Variants in MLLT11 observed in about 807,000 individuals in gnomAD.
MLLT11 encodes MLLT11 transcription factor 7 cofactor.
In MLLT11, 1 loss-of-function variant was observed where a neutral mutation model predicts 5.3. The observed-to-expected ratio is 0.19, with a 90% CI of 0.07 to 0.89. The LOEUF is 0.89. Among genes scored for constraint, MLLT11 ranks in the 40% least tolerant of loss-of-function variants. MLLT11 has a pLI of 0.67. For synonymous variants in MLLT11, 38 were observed against 41.7 expected, an observed-to-expected ratio of 0.91 and a Z score of 0.34; for missense variants, 87 against 107.3, an observed-to-expected ratio of 0.81 and a Z score of 0.83.
rs1484271470 is a variant in MLLT11 at position 151,069,171 on chromosome 1, G to T, written c.*1674G>T. On this transcript the variant is annotated 3_prime_UTR_variant, in exon 2 of 2. Coordinates refer to ENST00000368921, the MANE Select transcript of MLLT11 (RefSeq NM_006818.4). The stretch of plus-strand genomic sequence containing the variant: ...GTTTTTGTGTGCCTGCTATAGGAAA[G>T]CACTGAGCCAAACAGAATGTAAACG... 6.6e-6 allele frequency among the ~76,000 whole-genome samples: 1 copy of T among 152,106 alleles called. No homozygotes were observed. The highest frequency in any genetic ancestry group is 2.1e-4 in the South Asian group (1 of 4,824).
chr1:151,063,086 T>G (rs1216375390), intron 1 of MLLT11, among the ~76,000 whole-genome samples: 1 of 152,152 alleles, frequency 6.6e-6, no homozygotes, highest in African/African-American at 2.4e-5. Context: ...TTTTGGAACT[T>G]AAACTAAGAA....
rs1486296720 is a variant in MLLT11, at chr1:151,067,098, T to C, written c.-6-121T>C. The C allele has an allele frequency of 2.4e-5, 19 of 807,014 alleles. No individual in the cohort carries two copies. The Middle Eastern group carries it at 1.1e-3, about 48-fold the overall frequency. 50.0% of individuals were successfully genotyped at this position (807,014 alleles called of 1,614,324 possible). Reference sequence around the variant, plus strand: ...AGGATATACAATTTTCTTTCTTTAATAGAAAAAAAAAAAAAAAAGAAATTC... The same window carrying C: ...AGGATATACAATTTTCTTTCTTTAACAGAAAAAAAAAAAAAAAAGAAATTC... On this transcript the variant is annotated intron_variant, in intron 1 of 1. Coordinates refer to ENST00000368921, the MANE Select transcript of MLLT11 (RefSeq NM_006818.4).
At position 151,061,688 on chromosome 1, in the gene MLLT11, C is replaced by T. The variant is rs117259059; in HGVS notation, c.-7+1135C>T. 4.7e-3 allele frequency among the ~76,000 whole-genome samples: 709 copies of T among 152,052 alleles called. 19 individuals are homozygous for T. In the East Asian group the frequency reaches 0.081, roughly 17 times the overall value. ...AAGCTAGCCAAAAAAGGATCTTTTG[C>T]GAAATTTGGAGTATTTGATAATTAA... On this transcript the variant is annotated intron_variant, in intron 1 of 1. Coordinates refer to ENST00000368921, the MANE Select transcript of MLLT11 (RefSeq NM_006818.4).
Position 151,067,402 on chromosome 1 carries a change from A to G in MLLT11, c.178A>G (p.Asn60Asp), listed in dbSNP as rs2102981410. ...GQATAADQEK[N>D]PEGDGLLEYS... ...AGCAACTGCAGCAGACCAGGAGAAA[A>G]ACCCTGAAGGTGATGGCCTCCTTGA... Residue 60 changes from asparagine to aspartate, a missense_variant, in exon 2 of 2, where the codon AAC becomes GAC. By Grantham distance (23) the Asn-to-Asp change is conservative. Transcript: ENST00000368921. 1 of 1,614,140 alleles carries G rather than the reference A, an allele frequency of 6.2e-7. No homozygotes were observed. The highest frequency in any genetic ancestry group is 1.3e-5 in the African/African-American group (1 of 75,030).
Position 151,063,449 on chromosome 1 carries a change from G to A in MLLT11, c.-7+2896G>A, listed in dbSNP as rs191692255. Among the ~76,000 whole-genome samples the A allele has an allele frequency of 3.3e-3, 498 of 151,892 alleles. 2 individuals are homozygous for A. Among genetic ancestry groups the A allele is most frequent in the South Asian group, 8.1e-3 (39 of 4,802 alleles). On this transcript the variant is annotated intron_variant, in intron 1 of 1. Transcript: ENST00000368921. ...TATTTATTATTATTATTATTGAGAC[G>A]GAGTCTTGCTCTTTCGCCCAGGCTG...
Position 151,068,133 on chromosome 1 carries a change from A to G in MLLT11, c.*636A>G. 4.2e-6 allele frequency: 1 copy of G among 240,118 alleles called. No homozygotes were observed. The allele number at this position is 240,118 out of a possible 1,614,324, so 14.9% of individuals were successfully genotyped here. On this transcript the variant is annotated 3_prime_UTR_variant, in exon 2 of 2. Transcript: ENST00000368921. ...TAATTGAATCATTTTAGAAGTAGCT[A>G]ATTTCTTTTCTCAAAAGAGTGTCCC... is the stretch of plus-strand genomic sequence containing the variant.
Position 151,069,371 on chromosome 1 carries a change from G to C in MLLT11, c.*1874G>C, listed in dbSNP as rs1248188360. ...AAATCCTCCCTCTAGGCCATGAAAA[G>C]CCCACATCTAAAGACGGTCCCAGTC... On this transcript the variant is annotated 3_prime_UTR_variant, in exon 2 of 2. Coordinates refer to ENST00000368921, the MANE Select transcript of MLLT11 (RefSeq NM_006818.4). 6.6e-6 allele frequency among the ~76,000 whole-genome samples: 1 copy of C among 152,130 alleles called. No homozygotes were observed. Among genetic ancestry groups the C allele is most frequent in the Admixed American group, 6.5e-5 (1 of 15,272 alleles).
intron 1 of MLLT11, among the ~76,000 whole-genome samples, chr1:151,061,076 G>A (rs762464720): frequency 2.0e-5 from 3 of 152,252 alleles, no homozygotes; most frequent in South Asian, 4.1e-4. Context: ...AGGCAGCCTA[G>A]GGTAGGAAAG....
intron 1 of MLLT11, 81 bp from the exon 2 acceptor site, chr1:151,067,138 G>T: frequency 8.8e-6 from 10 of 1,132,938 alleles, no homozygotes; most frequent in Non-Finnish European, 1.3e-5. Context: ...TTACCAGTAT[G>T]TGGAGTATCT....
In MLLT11 at chr1:151,067,598, T is replaced by C. The variant is rs1203214345; in HGVS notation, c.*101T>C. 1.5e-6 allele frequency: 2 copies of C among 1,312,770 alleles called. No individual in the cohort carries two copies. Among genetic ancestry groups the C allele is most frequent in the African/African-American group, 2.9e-5 (2 of 68,002 alleles). 81.3% of individuals were successfully genotyped at this position (1,312,770 alleles called of 1,614,324 possible). A position where few individuals can be genotyped will look rare whatever the true frequency, so the allele number is the denominator to read the frequency against. On this transcript the variant is annotated 3_prime_UTR_variant, in exon 2 of 2. Transcript: ENST00000368921. ...CATTTTAATCTTGTTCTCTCCCTACTGTGTTGGTGGTGCTGATGAATCTGC... is the reference window on the plus strand; with the variant it reads ...CATTTTAATCTTGTTCTCTCCCTACCGTGTTGGTGGTGCTGATGAATCTGC...
intron 1 of MLLT11, among the ~76,000 whole-genome samples, chr1:151,064,052 G>C (rs867404216): frequency 2.6e-5 from 4 of 151,308 alleles, no homozygotes; most frequent in Non-Finnish European, 4.4e-5. Flanking sequence ...ATGGAGTTTC[G>C]CTCTTGTTGC....
In MLLT11 at chr1:151,069,045, CT is replaced by C. The variant is rs587753483; in HGVS notation, c.*1550del. On this transcript the variant is annotated 3_prime_UTR_variant, in exon 2 of 2. Coordinates refer to ENST00000368921, the MANE Select transcript of MLLT11 (RefSeq NM_006818.4). ...GGAGACAGGTACAACCACTCTTCTG[CT>C]TGCCCACTGACTACCAACATTATAT... Among the ~76,000 whole-genome samples the C allele has an allele frequency of 3.6e-4, 55 of 152,242 alleles. No individual in the cohort carries two copies. The highest frequency in any genetic ancestry group is 1.2e-3 in the African/African-American group (51 of 41,540).
rs1676519924 is a variant in MLLT11 at position 151,068,996 on chromosome 1, A to C, written c.*1499A>C. Among the ~76,000 whole-genome samples, 1 of 152,214 alleles carries C rather than the reference A, an allele frequency of 6.6e-6. No individual in the cohort carries two copies. The highest frequency in any genetic ancestry group is 2.1e-4 in the South Asian group (1 of 4,834). ...AACAGATAATGAAAGGGCAAAATCAACTTAAAATTAGAAAAGTAGTTAGGG... is the reference window on the plus strand; with the variant it reads ...AACAGATAATGAAAGGGCAAAATCACCTTAAAATTAGAAAAGTAGTTAGGG... On this transcript the variant is annotated 3_prime_UTR_variant, in exon 2 of 2. Coordinates refer to ENST00000368921, the MANE Select transcript of MLLT11 (RefSeq NM_006818.4).
chr1:151,064,075 G>A (rs1056266825), intron 1 of MLLT11, among the ~76,000 whole-genome samples: 2 of 152,018 alleles, frequency 1.3e-5, no homozygotes, highest in Non-Finnish European at 2.9e-5. Flanking sequence ...AGGCTGGAGT[G>A]CAATGGCGAG....
intron 1 of MLLT11, among the ~76,000 whole-genome samples, chr1:151,064,023 T>TATTA (rs1357306056): frequency 3.6e-5 from 3 of 83,958 alleles, no homozygotes; most frequent in South Asian, 9.3e-4. Flanking sequence ...TTTATTTATT[T>TATTA]ATTATTACTT....
At chr1:151,065,669 T>C (rs1676466290) in intron 1 of MLLT11, among the ~76,000 whole-genome samples, 1 of 152,166 alleles carries the variant, frequency 6.6e-6, no homozygotes, top group Admixed American at 6.5e-5. Flanking sequence ...TAGTAGGATT[T>C]AGAAGGCAAG....
At chr1:151,064,352 G>A (rs1676447808) in intron 1 of MLLT11, among the ~76,000 whole-genome samples, 1 of 152,278 alleles carries the variant, frequency 6.6e-6, no homozygotes, top group African/African-American at 2.4e-5. Flanking sequence ...GTTTTGTTCT[G>A]AAGGAGAGGT....
Position 151,067,494 on chromosome 1 carries a change from C to G in MLLT11, c.270C>G (p.Leu90=), listed in dbSNP as rs587630291. The change falls in exon 2 of 2, where the codon CTC becomes CTG. Residue 90 remains leucine, a synonymous_variant. Transcript: ENST00000368921. The stretch of plus-strand genomic sequence containing the variant: ...TCCACTCCTTCGAACTGGACTTGCT[C>G]TAAGGCCAAGACTTCTCTCTCCCAT... ...ASIHSFELDL[L] 6.2e-7 allele frequency: 1 copy of G among 1,613,196 alleles called. No homozygotes were observed. Among genetic ancestry groups the G allele is most frequent in the African/African-American group, 1.3e-5 (1 of 75,018 alleles).
rs1474759184 is a variant in MLLT11, at chr1:151,067,484, T to A, written c.260T>A (p.Leu87Gln). The A allele has an allele frequency of 6.2e-7, 1 of 1,613,774 alleles. No individual in the cohort carries two copies. The highest frequency in any genetic ancestry group is 2.2e-5 in the East Asian group (1 of 44,880). The stretch of plus-strand genomic sequence containing the variant: ...ATTGCCAGCATCCACTCCTTCGAAC[T>A]GGACTTGCTCTAAGGCCAAGACTTC... ...APIASIHSFELDLL is the reference protein window; with the variant it reads ...APIASIHSFEQDLL The change falls in exon 2 of 2, where the codon CTG becomes CAG. Residue 87 changes from leucine to glutamine, a missense_variant. Leu to Gln is a moderately radical substitution (Grantham distance 113). Coordinates refer to ENST00000368921, the MANE Select transcript of MLLT11 (RefSeq NM_006818.4).
Sources: gnomAD v4.1 joint callset for allele counts (sites outside exome capture counted in the v4.1 genomes callset) on GRCh38, gnomAD v4.1.1 for gene constraint, MANE v1.5 for transcripts, NCBI Gene and HGNC (gene_info 2026-07-23, HGNC 2026-07-21) for gene names.